Variants in TRMT11 observed in about 807,000 individuals in gnomAD.
TRMT11 encodes tRNA (guanine(10)-N(2))-methyltransferase TRMT11.
TRMT11 carries 53 observed loss-of-function variants against 62.8 expected under a neutral mutation model. The ratio of observed to expected loss-of-function variants is 0.84; its 90% CI spans 0.68 to 1.06. TRMT11 has a LOEUF of 1.06. TRMT11 is among the 50% of genes least tolerant of loss of function. The pLI, the probability that TRMT11 is intolerant of heterozygous loss-of-function variation, is 0.00. For missense variants in TRMT11, 556 were observed against 553.4 expected (o/e 1.00, Z -0.05); for synonymous variants, 188 against 190.3 (o/e 0.99, Z 0.10).
intron 1 of TRMT11, among the ~76,000 whole-genome samples, chr6:126,179,665 G>A (rs529433574): frequency 6.6e-6 from 1 of 152,250 alleles, no homozygotes; most frequent in South Asian, 2.1e-4. Flanking sequence ...CAGATAGGAT[G>A]ACAAAACTGA....
intron 21 of TRMT11, among the ~76,000 whole-genome samples, chr6:126,119,494 AAAAAG>A (rs1047673137): frequency 6.6e-6 from 1 of 151,920 alleles, no homozygotes; most frequent in African/African-American, 2.4e-5. Flanking sequence ...AAAAAAAAAA[AAAAAG>A]ACTAAGACAA....
chr6:126,255,664 T>C, the TRMT11 span, among the ~76,000 whole-genome samples: 2 of 152,186 alleles, frequency 1.3e-5, no homozygotes, highest in Admixed American at 1.3e-4. Flanking sequence ...ACTTTCCCTT[T>C]CCTGATGCAA....
At chr6:126,180,302 A>G (rs1477275801) in intron 1 of TRMT11, among the ~76,000 whole-genome samples, 2 of 152,208 alleles carry the variant, frequency 1.3e-5, no homozygotes, top group Admixed American at 1.3e-4. Context: ...TTTGTACCAG[A>G]GAGCTAAATA....
At chr6:126,195,125 T>C (rs1778650259) in intron 1 of TRMT11, among the ~76,000 whole-genome samples, 1 of 152,158 alleles carries the variant, frequency 6.6e-6, no homozygotes, top group Non-Finnish European at 1.5e-5. Context: ...TAAAAGTTAT[T>C]GGTAAAAATT....
At chr6:126,004,360 A>C (rs1309105068) in intron 7 of TRMT11, among the ~76,000 whole-genome samples, 1 of 152,090 alleles carries the variant, frequency 6.6e-6, no homozygotes, top group Non-Finnish European at 1.5e-5. Context: ...TTCATATAGT[A>C]CAATTAATAG....
intron 17 of TRMT11, among the ~76,000 whole-genome samples, chr6:126,096,536 A>G (rs943100865): frequency 6.6e-6 from 1 of 151,504 alleles, no homozygotes; most frequent in Non-Finnish European, 1.5e-5. Flanking sequence ...CAAAAGCTCA[A>G]ATAAATTAGA....
chr6:126,187,979 C>A (rs1255342267), intron 1 of TRMT11, among the ~76,000 whole-genome samples: 3 of 150,872 alleles, frequency 2.0e-5, no homozygotes, highest in African/African-American at 7.4e-5. Flanking sequence ...TAATTTGAGA[C>A]AAATAACAAT....
At chr6:126,111,804 T>C (rs1486058211) in intron 17 of TRMT11, among the ~76,000 whole-genome samples, 1 of 152,036 alleles carries the variant, frequency 6.6e-6, no homozygotes, top group African/African-American at 2.4e-5. Flanking sequence ...CCTGGCACAA[T>C]AACTTCCCAC....
intron 7 of TRMT11, among the ~76,000 whole-genome samples, chr6:126,003,527 G>A (rs186907428): frequency 1.8e-4 from 27 of 152,124 alleles, no homozygotes; most frequent in African/African-American, 5.8e-4. Flanking sequence ...TTTTTCCACA[G>A]TCTCACCAGC....
chr6:126,122,888 G>A (rs1777666527), intron 21 of TRMT11, among the ~76,000 whole-genome samples: 2 of 152,116 alleles, frequency 1.3e-5, no homozygotes, highest in African/African-American at 4.8e-5. Flanking sequence ...CTCACATTGA[G>A]CTGGAATATT....
the TRMT11 span, among the ~76,000 whole-genome samples, chr6:126,223,066 G>A: frequency 1.3e-5 from 2 of 152,164 alleles, no homozygotes; most frequent in Non-Finnish European, 2.9e-5. Flanking sequence ...AATTTTATTT[G>A]TCCTTCACTT....
chr6:126,111,607 A>C (rs1252600671), intron 17 of TRMT11, among the ~76,000 whole-genome samples: 1 of 152,132 alleles, frequency 6.6e-6, no homozygotes, highest in Non-Finnish European at 1.5e-5. Context: ...CAGAAATAAT[A>C]AACTGCAGGT....
At chr6:126,083,992 T>C (rs1360198155) in intron 17 of TRMT11, among the ~76,000 whole-genome samples, 1 of 152,186 alleles carries the variant, frequency 6.6e-6, no homozygotes, top group Non-Finnish European at 1.5e-5. Flanking sequence ...CATTTGTCCA[T>C]TGACAGATAC....
At chr6:126,025,233 A>AT (rs1772837284) in intron 12 of TRMT11, among the ~76,000 whole-genome samples, 3 of 152,236 alleles carry the variant, frequency 2.0e-5, no homozygotes, top group African/African-American at 7.2e-5. Context: ...AAAGTCTGGT[A>AT]TTTTTTCCCA....
chr6:126,157,061 A>G (rs1333148796), intron 21 of TRMT11, among the ~76,000 whole-genome samples: 1 of 152,164 alleles, frequency 6.6e-6, no homozygotes, highest in Non-Finnish European at 1.5e-5. Context: ...CCAGGAAAGC[A>G]GAGGATCAAC....
chr6:126,177,319 A>G (rs1778398062), exon 1 of TRMT11: 1 of 152,184 alleles, frequency 6.6e-6, no homozygotes, highest in Non-Finnish European at 1.5e-5. Context: ...ATCAACATAA[A>G]GCAGGATTTA....
chr6:126,075,947 T>C (rs1020935765), intron 17 of TRMT11, among the ~76,000 whole-genome samples: 4 of 152,156 alleles, frequency 2.6e-5, no homozygotes, highest in Non-Finnish European at 5.9e-5. Flanking sequence ...CCAGATCTAA[T>C]CACAGGGCCC....
At chr6:126,205,927 A>G (rs1487384868), downstream of TRMT11, among the ~76,000 whole-genome samples, 1 of 151,680 alleles carries the variant, frequency 6.6e-6, no homozygotes, top group Non-Finnish European at 1.5e-5. Flanking sequence ...ACACACACAC[A>G]CACACACACA....
At chr6:126,197,739 A>G (rs1334864221) in intron 1 of TRMT11, among the ~76,000 whole-genome samples, 5 of 152,204 alleles carry the variant, frequency 3.3e-5, no homozygotes, top group Non-Finnish European at 7.3e-5. Context: ...TGCAATAAGG[A>G]CACAAATATG....
Sources: gnomAD v4.1 joint callset for allele counts (sites outside exome capture counted in the v4.1 genomes callset) on GRCh38, gnomAD v4.1.1 for gene constraint, MANE v1.5 for transcripts, NCBI Gene and HGNC (gene_info 2026-07-23, HGNC 2026-07-21) for gene names.